NRG1: variants seen among roughly 807,000 people sequenced by gnomAD.
The protein encoded by NRG1 is pro-neuregulin-1, membrane-bound isoform.
A neutral mutation model predicts 63.8 loss-of-function variants in NRG1; 18 were observed. The ratio of observed to expected loss-of-function variants is 0.28; its 90% CI spans 0.19 to 0.42. The LOEUF (loss-of-function observed/expected upper bound fraction) is 0.42. Ranked by LOEUF, NRG1 falls within the 10% of genes least tolerant of loss-of-function variation. The pLI, the probability that NRG1 is intolerant of heterozygous loss-of-function variation, is 1.00. For missense variants in NRG1, 762 were observed against 814.7 expected (o/e 0.94, Z 0.79); for synonymous variants, 302 against 301.3 (o/e 1.00, Z -0.02).
intron 1 of NRG1, among the ~76,000 whole-genome samples, chr8:32,102,650 A>G (rs1410755870): frequency 6.6e-6 from 1 of 152,196 alleles, no homozygotes; most frequent in African/African-American, 2.4e-5. Context: ...CTGACCCATC[A>G]GGAAGGCCAT....
intron 1 of NRG1, among the ~76,000 whole-genome samples, chr8:32,014,963 T>C (rs879835119): frequency 1.3e-5 from 2 of 151,838 alleles, no homozygotes; most frequent in Admixed American, 1.3e-4. Flanking sequence ...TGCCAGCAAA[T>C]CAACAGAAGC....
At chr8:31,867,293 T>C (rs958004263) in intron 1 of NRG1, among the ~76,000 whole-genome samples, 3 of 152,172 alleles carry the variant, frequency 2.0e-5, no homozygotes, top group Non-Finnish European at 2.9e-5. Context: ...GTGACAGAAA[T>C]GTGTGAACAA....
chr8:31,683,191 C>T (rs1808513274), intron 1 of NRG1, among the ~76,000 whole-genome samples: 1 of 152,094 alleles, frequency 6.6e-6, no homozygotes, highest in Non-Finnish European at 1.5e-5. Context: ...AAATCACACT[C>T]CTTAGTATTT....
chr8:32,415,395 G>A (rs1426773051), intron 1 of NRG1, among the ~76,000 whole-genome samples: 6 of 139,576 alleles, frequency 4.3e-5, no homozygotes, highest in Non-Finnish European at 6.2e-5. Flanking sequence ...GAAAGAAAAA[G>A]AAAAAGGATG....
intron 1 of NRG1, among the ~76,000 whole-genome samples, chr8:31,690,632 A>T (rs1337977596): frequency 6.6e-6 from 1 of 152,020 alleles, no homozygotes; most frequent in Non-Finnish European, 1.5e-5. Context: ...CGCGATGTAA[A>T]CTCATCAGAT....
chr8:31,917,812 A>G (rs1488899635), intron 1 of NRG1, among the ~76,000 whole-genome samples: 18 of 152,146 alleles, frequency 1.2e-4, no homozygotes, highest in Non-Finnish European at 1.5e-5. Context: ...GGCCATTTTC[A>G]TGATATTGAC....
intron 1 of NRG1, among the ~76,000 whole-genome samples, chr8:32,400,115 A>G (rs960806043): frequency 6.6e-6 from 1 of 152,200 alleles, no homozygotes; most frequent in Non-Finnish European, 1.5e-5. Context: ...CCATTGCGTT[A>G]ATAAGGAAAT....
chr8:31,957,748 A>G (rs1331334822), intron 1 of NRG1, among the ~76,000 whole-genome samples: 29 of 152,190 alleles, frequency 1.9e-4, no homozygotes, highest in Admixed American at 1.9e-3. Flanking sequence ...TGGCTCCTGT[A>G]TTGGATGACA....
At chr8:32,412,469 T>TATATATAC (rs71208180) in intron 1 of NRG1, among the ~76,000 whole-genome samples, 11 of 134,090 alleles carry the variant, frequency 8.2e-5, no homozygotes, top group Non-Finnish European at 1.3e-4. Context: ...TATATATATA[T>TATATATAC]ATATATGAAC....
intron 1 of NRG1, among the ~76,000 whole-genome samples, chr8:31,722,046 C>T (rs1280914224): frequency 1.3e-5 from 2 of 152,044 alleles, no homozygotes; most frequent in Non-Finnish European, 2.9e-5. Context: ...TAATGTCAAA[C>T]CTGATTAGTC....
chr8:31,863,497 T>A lies in NRG1; in HGVS notation c.37+224066T>A, dbSNP rs117235326. 3.8e-3 allele frequency among the ~76,000 whole-genome samples: 576 copies of A among 152,328 alleles called. 1 individual carries two copies. The highest frequency in any genetic ancestry group is 0.024 in the Middle Eastern group (7 of 294). On this transcript the variant is annotated intron_variant, in intron 1 of 10. Transcript: ENST00000519301. ...CATCACTGAACCTGTATCCTACTGT[T>A]AATGATACATATGTCATATTTACAA...
At chr8:31,858,539 A>G (rs1828163208) in intron 1 of NRG1, among the ~76,000 whole-genome samples, 1 of 152,142 alleles carries the variant, frequency 6.6e-6, no homozygotes, top group Admixed American at 6.5e-5. Flanking sequence ...TTATATGACA[A>G]CTGGTGATGA....
At chr8:32,511,350 T>TC (rs1414583219) in intron 1 of NRG1, among the ~76,000 whole-genome samples, 1 of 137,278 alleles carries the variant, frequency 7.3e-6, no homozygotes, top group Non-Finnish European at 1.5e-5. Context: ...TGTGTGTCTG[T>TC]CTGTCGATAT....
At chr8:32,709,852 A>G (rs904352285) in intron 5 of NRG1, among the ~76,000 whole-genome samples, 1 of 152,222 alleles carries the variant, frequency 6.6e-6, no homozygotes, top group Non-Finnish European at 1.5e-5. Context: ...AATCAACGGA[A>G]TACTGAAGAG....
intron 1 of NRG1, among the ~76,000 whole-genome samples, chr8:31,881,306 G>T (rs1016022218): frequency 2.0e-5 from 3 of 152,050 alleles, no homozygotes; most frequent in African/African-American, 7.2e-5. Flanking sequence ...GTGATCTGTG[G>T]TCTTTGATGT....
At chr8:32,308,284 T>C (rs900322517) in intron 1 of NRG1, among the ~76,000 whole-genome samples, 1 of 152,208 alleles carries the variant, frequency 6.6e-6, no homozygotes, top group African/African-American at 2.4e-5. Flanking sequence ...CATTAGACTT[T>C]CGTCATTCCA....
At chr8:32,464,795 T>C (rs1041812343) in intron 1 of NRG1, among the ~76,000 whole-genome samples, 10 of 111,408 alleles carry the variant, frequency 9.0e-5, no homozygotes, top group African/African-American at 2.7e-4. Context: ...GTTTCTTATT[T>C]TATTTTCTTT....
chr8:32,298,218 C>T (rs995197570), intron 1 of NRG1, among the ~76,000 whole-genome samples: 6 of 152,190 alleles, frequency 3.9e-5, no homozygotes, highest in African/African-American at 1.4e-4. Context: ...ATTACTCTGG[C>T]ATTAAATGAA....
chr8:32,663,584 A>C (rs1046518927), intron 5 of NRG1, among the ~76,000 whole-genome samples: 1 of 152,068 alleles, frequency 6.6e-6, no homozygotes, highest in Non-Finnish European at 1.5e-5. Flanking sequence ...TTCTCAAATT[A>C]CTCGTCAAGT....
Sources: allele counts gnomAD v4.1 joint callset (sites outside exome capture counted in the v4.1 genomes callset), GRCh38; gene constraint gnomAD v4.1.1; transcripts MANE v1.5; gene names NCBI Gene and HGNC (gene_info 2026-07-23, HGNC 2026-07-21).